The following SOCS4 variants were observed in gnomAD, a reference collection of about 807,000 sequenced individuals.
SOCS4 encodes the protein suppressor of cytokine signaling 4, also known as SH2 domain containing SOCS box protein.
SOCS4 carries 20 observed loss-of-function variants against 34.1 expected under a neutral mutation model. That is an observed-to-expected ratio of 0.59 (90% CI 0.41 to 0.85). The LOEUF (loss-of-function observed/expected upper bound fraction) is 0.85, where lower values mean the gene tolerates loss of function less well. Ranked by LOEUF, SOCS4 falls within the 40% of genes least tolerant of loss-of-function variation. The probability of loss-of-function intolerance (pLI) is 0.00; values close to 1 mark genes in which losing one functional copy is unlikely to be tolerated. For synonymous variants in SOCS4, 180 were observed against 186.4 expected (o/e 0.97, Z 0.28); for missense variants, 479 against 532.4 (o/e 0.90, Z 0.99).
At chr14:55,041,740 T>C (rs2140248005) in intron 2 of SOCS4, among the ~76,000 whole-genome samples, 1 of 147,502 alleles carries the variant, frequency 6.8e-6, no homozygotes, top group South Asian at 2.2e-4. Context: ...CCCAACGAGC[T>C]GGGATTACAG....
In SOCS4 at chr14:55,044,092, G is replaced by A; in HGVS notation, c.1051G>A (p.Val351Ile). ...NFSFDAHDPCVFHSPDITGLL... is the reference protein window; with the variant it reads ...NFSFDAHDPCIFHSPDITGLL... ...TAGCTTTGATGCACATGACCCCTGT[G>A]TCTTCCATTCTCCTGACATTACTGG... is the stretch of plus-strand genomic sequence containing the variant. Residue 351 changes from valine (V) to isoleucine (I), a missense_variant, in exon 3 of 3, where the codon GTC (valine) becomes ATC (isoleucine). Coordinates refer to ENST00000555846, the MANE Select transcript of SOCS4 (RefSeq NM_199421.2). 1 of 1,614,134 alleles carries A rather than the reference G, an allele frequency of 6.2e-7. No individual in the cohort carries two copies. The highest frequency in any genetic ancestry group is 8.5e-7 in the Non-Finnish European group (1 of 1,180,004).
rs1374006293 is a variant in SOCS4, at chr14:55,047,092, T to A, written c.*2728T>A. The A allele has an allele frequency of 6.0e-6, 1 of 167,018 alleles. No homozygotes were observed. The highest frequency in any genetic ancestry group is 1.5e-5 in the Non-Finnish European group (1 of 68,106). 10.3% of individuals were successfully genotyped at this position (167,018 alleles called of 1,614,324 possible). On this transcript the variant is annotated 3_prime_UTR_variant, in exon 3 of 3. Coordinates refer to ENST00000555846, the MANE Select transcript of SOCS4 (RefSeq NM_199421.2). ...TGTAAATTCCAGAGTTGAGAAAGCA[T>A]TTAGCATGGTGGAAATGTGGAGAGC...
intron 2 of SOCS4, among the ~76,000 whole-genome samples, chr14:55,035,134 T>A (rs1378627682): frequency 6.6e-6 from 1 of 152,200 alleles, no homozygotes; most frequent in Admixed American, 6.5e-5. Flanking sequence ...GTACTGGGAT[T>A]ACAGACATGA....
rs185374465 is a variant in SOCS4 at position 55,036,847 on chromosome 14, G to T, written c.-91+4856G>T. On this transcript the variant is annotated intron_variant, in intron 2 of 2. Transcript: ENST00000555846. ...ATTTTATTTCAGGCCAGGTGCAGTG[G>T]CTCACACCTGAAAATCCAAGCACTT... 3.0e-4 allele frequency among the ~76,000 whole-genome samples: 46 copies of T among 152,074 alleles called. No individual in the cohort carries two copies. The East Asian group carries it at 8.0e-3, about 26-fold the overall frequency.
intron 2 of SOCS4, among the ~76,000 whole-genome samples, chr14:55,037,843 TCTTGA>T (rs1217363648): frequency 1.3e-5 from 2 of 152,248 alleles, no homozygotes; most frequent in Non-Finnish European, 2.9e-5. Context: ...TAATATCTTT[TCTTGA>T]CTTGAAGTAA....
At chr14:55,041,741 G>GGGATTACAGGTGTGAGCCACC (rs1222677228) in intron 2 of SOCS4, among the ~76,000 whole-genome samples, 1 of 145,018 alleles carries the variant, frequency 6.9e-6, no homozygotes, top group Non-Finnish European at 1.5e-5. Context: ...CCAACGAGCT[G>GGGATTACAGGTGTGAGCCACC]GGATTACAGG....
rs1042380025 is a variant in SOCS4 at position 55,045,799 on chromosome 14, G to A, written c.*1435G>A. ...TATCGTAACTGATTTCTTGATGCTA[G>A]TTTAGCTATATTAGGAAACTGCTTC... On this transcript the variant is annotated 3_prime_UTR_variant, in exon 3 of 3. Coordinates refer to ENST00000555846, the MANE Select transcript of SOCS4 (RefSeq NM_199421.2). 4 of 166,856 alleles carry A rather than the reference G, an allele frequency of 2.4e-5. No homozygotes were observed. Among genetic ancestry groups the A allele is most frequent in the African/African-American group, 9.7e-5 (4 of 41,424 alleles). 10.3% of individuals were successfully genotyped at this position (166,856 alleles called of 1,614,324 possible). A position where few individuals can be genotyped will look rare whatever the true frequency, so the allele number is the denominator to read the frequency against.
chr14:55,043,286 G>C lies in SOCS4; in HGVS notation c.245G>C (p.Cys82Ser), dbSNP rs1189339665. 1.2e-6 allele frequency: 2 copies of C among 1,614,086 alleles called. No homozygotes were observed. Among genetic ancestry groups the C allele is most frequent in the African/African-American group, 2.7e-5 (2 of 74,940 alleles). ...SSIELDLDHS[C>S]GHRFLGRSLK... is the part of the protein sequence containing the mutation. ...ATTGAGTTGGACTTAGATCATTCCT[G>C]TGGGCATCGATTTTTAGGCCGATCT... is the stretch of plus-strand genomic sequence containing the variant. Residue 82 changes from cysteine (C) to serine (S), a missense_variant, in exon 3 of 3, where the codon TGT becomes TCT. Coordinates refer to ENST00000555846, the MANE Select transcript of SOCS4 (RefSeq NM_199421.2).
At chr14:55,036,237 A>G (rs1454309232) in intron 2 of SOCS4, among the ~76,000 whole-genome samples, 1 of 152,100 alleles carries the variant, frequency 6.6e-6, no homozygotes, top group Admixed American at 6.6e-5. Flanking sequence ...AAGACTTAGT[A>G]TCTCCTCTTT....
chr14:55,032,341 C>T (rs2042535874), intron 2 of SOCS4, among the ~76,000 whole-genome samples: 1 of 152,096 alleles, frequency 6.6e-6, no homozygotes, highest in Non-Finnish European at 1.5e-5. Flanking sequence ...GTCAGTATTA[C>T]TAAATGTTAT....
chr14:55,044,314 A>G lies in SOCS4; in HGVS notation c.1273A>G (p.Lys425Glu). 1 of 1,613,616 alleles carries G rather than the reference A, an allele frequency of 6.2e-7. No homozygotes were observed. Among genetic ancestry groups the G allele is most frequent in the Non-Finnish European group, 8.5e-7 (1 of 1,179,688 alleles). ...ATTATATCTGAAGGAATATCATTAT[A>G]AATCAAAAGTTAGAGTACTCAGGAT... ...MKLYLKEYHY[K>E]SKVRVLRIDA... Residue 425 changes from lysine (K) to glutamate (E), a missense_variant, in exon 3 of 3, where the codon AAA (lysine) becomes GAA (glutamate). Lys to Glu is a moderately conservative substitution (Grantham distance 56). Coordinates refer to ENST00000555846, the MANE Select transcript of SOCS4 (RefSeq NM_199421.2).
rs1424051492 is a variant in SOCS4 at position 55,027,246 on chromosome 14, T to G, written c.-445T>G. 1 of 192,058 alleles carries G rather than the reference T, an allele frequency of 5.2e-6. No individual in the cohort carries two copies. Among genetic ancestry groups the G allele is most frequent in the African/African-American group, 2.3e-5 (1 of 42,708 alleles). 11.9% of individuals were successfully genotyped at this position (192,058 alleles called of 1,614,324 possible). ...GGGAGGGAGCTGAACACGGAAGTGGTGGCGGCGCCCAGGGAACCGGCGGAG... is the reference window on the plus strand; with the variant it reads ...GGGAGGGAGCTGAACACGGAAGTGGGGGCGGCGCCCAGGGAACCGGCGGAG... On this transcript the variant is annotated 5_prime_UTR_variant, in exon 1 of 3. Transcript: ENST00000555846.
At chr14:55,031,785 G>C (rs2042530978) in intron 1 of SOCS4, 78 bp from the exon 2 acceptor site, 1 of 152,184 alleles carries the variant, frequency 6.6e-6, no homozygotes, top group Non-Finnish European at 1.5e-5. Context: ...TCTGTAATGA[G>C]AAAACATTTG....
At chr14:55,041,797 T>C (rs1464298911) in intron 2 of SOCS4, among the ~76,000 whole-genome samples, 1 of 123,540 alleles carries the variant, frequency 8.1e-6, no homozygotes, top group African/African-American at 3.0e-5. Flanking sequence ...TTTTTTTTTT[T>C]TTTTTTTTTT....
At chr14:55,040,467 G>A (rs1037268178) in intron 2 of SOCS4, among the ~76,000 whole-genome samples, 6 of 152,104 alleles carry the variant, frequency 3.9e-5, no homozygotes, top group South Asian at 4.1e-4. Flanking sequence ...ATTATAGGCC[G>A]GGCGCACTGG....
intron 1 of SOCS4, among the ~76,000 whole-genome samples, chr14:55,030,493 A>G (rs1215888045): frequency 2.0e-5 from 3 of 152,154 alleles, no homozygotes; most frequent in African/African-American, 7.2e-5. Flanking sequence ...AGCCTTACAT[A>G]TAGCCTTTGT....
chr14:55,045,449 T>A lies in SOCS4; in HGVS notation c.*1085T>A, dbSNP rs1198567453. The A allele has an allele frequency of 6.0e-6, 1 of 166,974 alleles. No individual in the cohort carries two copies. The highest frequency in any genetic ancestry group is 1.5e-5 in the Non-Finnish European group (1 of 68,044). The allele number at this position is 166,974 out of a possible 1,614,324, so 10.3% of individuals were successfully genotyped here. A position where few individuals can be genotyped will look rare whatever the true frequency, so the allele number is the denominator to read the frequency against. Reference sequence around the variant, plus strand: ...TCAGTATTCAGGAAGCTTAATACTGTTTTTGATCTACAAGATCCAAATAAT... The same window carrying A: ...TCAGTATTCAGGAAGCTTAATACTGATTTTGATCTACAAGATCCAAATAAT... On this transcript the variant is annotated 3_prime_UTR_variant, in exon 3 of 3. Coordinates refer to ENST00000555846, the MANE Select transcript of SOCS4 (RefSeq NM_199421.2).
chr14:55,043,993 T>C lies in SOCS4; in HGVS notation c.952T>C (p.Tyr318His). 6.2e-7 allele frequency: 1 copy of C among 1,614,172 alleles called. No homozygotes were observed. Among genetic ancestry groups the C allele is most frequent in the Non-Finnish European group, 8.5e-7 (1 of 1,180,016 alleles). ...FLLRDSAQED[Y>H]LFSVSFRRYS... ...ACTTCGAGACTCAGCACAGGAAGAC[T>C]ATTTATTCTCTGTTAGTTTTAGACG... The change falls in exon 3 of 3, where the codon TAT becomes CAT. Residue 318 changes from tyrosine to histidine, a missense_variant. Tyr to His is a moderately conservative substitution (Grantham distance 83). Coordinates refer to ENST00000555846, the MANE Select transcript of SOCS4 (RefSeq NM_199421.2).
chr14:55,032,411 G>A (rs2042536244), intron 2 of SOCS4, among the ~76,000 whole-genome samples: 1 of 152,072 alleles, frequency 6.6e-6, no homozygotes, highest in South Asian at 2.1e-4. Flanking sequence ...TGTTGTCATT[G>A]TAATTTGTGG....
Sources: allele counts gnomAD v4.1 joint callset (sites outside exome capture counted in the v4.1 genomes callset), GRCh38; gene constraint gnomAD v4.1.1; transcripts MANE v1.5; gene names NCBI Gene and HGNC (gene_info 2026-07-23, HGNC 2026-07-21).